The following CDH11 variants were observed in gnomAD, a reference collection of about 807,000 sequenced individuals.
CDH11 encodes cadherin-11.
CDH11 carries 11 observed loss-of-function variants against 67.8 expected under a neutral mutation model. The observed-to-expected ratio is 0.16, with a 90% CI of 0.10 to 0.27. The LOEUF (loss-of-function observed/expected upper bound fraction) is 0.27. Ranked by LOEUF, CDH11 falls within the 10% of genes least tolerant of loss-of-function variation. The probability of loss-of-function intolerance (pLI) is 1.00; values close to 1 mark genes in which losing one functional copy is unlikely to be tolerated. For synonymous variants in CDH11, 419 were observed against 400.0 expected (o/e 1.05, Z -0.57); for missense variants, 847 against 1,031.2 (o/e 0.82, Z 2.45).
chr16:65,074,954 C>T (rs1220078187), intron 1 of CDH11, among the ~76,000 whole-genome samples: 3 of 152,166 alleles, frequency 2.0e-5, no homozygotes, highest in Non-Finnish European at 2.9e-5. Flanking sequence ...CACACAGGCA[C>T]ACACATGCGC....
At chr16:65,038,567 A>G (rs1356809320) in intron 2 of CDH11, among the ~76,000 whole-genome samples, 6 of 152,230 alleles carry the variant, frequency 3.9e-5, no homozygotes, top group Admixed American at 2.6e-4. Flanking sequence ...ACTTACTTCT[A>G]TATTTAACAG....
At chr16:64,949,157 A>T (rs1336640982) in intron 12 of CDH11, among the ~76,000 whole-genome samples, 2 of 152,048 alleles carry the variant, frequency 1.3e-5, no homozygotes, top group African/African-American at 4.8e-5. Flanking sequence ...TGCCATCCTG[A>T]CACCAGACAG....
chr16:65,103,194 T>C (rs1210627479), intron 1 of CDH11, among the ~76,000 whole-genome samples: 2 of 152,194 alleles, frequency 1.3e-5, no homozygotes, highest in African/African-American at 2.4e-5. Flanking sequence ...CAGCTTGGTT[T>C]GTTGAGTTAT....
chr16:65,002,934 T>A (rs544496772), intron 3 of CDH11, among the ~76,000 whole-genome samples: 1 of 151,450 alleles, frequency 6.6e-6, no homozygotes, highest in East Asian at 1.9e-4. Context: ...TTTTTTCTTT[T>A]TTTTTTTTTA....
At chr16:65,098,399 G>A (rs1733850780) in intron 1 of CDH11, among the ~76,000 whole-genome samples, 1 of 152,098 alleles carries the variant, frequency 6.6e-6, no homozygotes, top group Non-Finnish European at 1.5e-5. Flanking sequence ...GGGAGCAGCT[G>A]GCCAGACTGA....
rs181056156 is a variant in CDH11, at chr16:65,032,223, A to G, written c.-173+21581T>C. On this transcript the variant is annotated intron_variant, in intron 2 of 12. Coordinates refer to ENST00000268603, the MANE Select transcript of CDH11 (RefSeq NM_001797.4). Reference sequence around the variant, plus strand: ...AAGAATCAGAGTGGCACCGTGGTTCATGCCTGTAATCTCAGCACTTTGGGA... The same window carrying G: ...AAGAATCAGAGTGGCACCGTGGTTCGTGCCTGTAATCTCAGCACTTTGGGA... Among the ~76,000 whole-genome samples, 287 of 151,836 alleles carry G rather than the reference A, an allele frequency of 1.9e-3. 2 individuals carry two copies. Among genetic ancestry groups the G allele is most frequent in the Non-Finnish European group, 3.3e-3 (222 of 67,992 alleles).
rs575589233 is a variant in CDH11, at chr16:64,949,260, T to G, written c.1895-1161A>C. On this transcript the variant is annotated intron_variant, in intron 12 of 12. Coordinates refer to ENST00000268603, the MANE Select transcript of CDH11 (RefSeq NM_001797.4). ...TGGTTTACACATCTGTTTCCACTTCTATTAACTTTTTAGGGCTTTTGTATT... is the reference window on the plus strand; with the variant it reads ...TGGTTTACACATCTGTTTCCACTTCGATTAACTTTTTAGGGCTTTTGTATT... Among the ~76,000 whole-genome samples the G allele has an allele frequency of 6.6e-5, 10 of 152,248 alleles. No individual in the cohort carries two copies. In the South Asian group the frequency reaches 2.1e-3, roughly 32 times the overall value.
At chr16:65,013,572 TCCAGCA>T (rs1422052730) in intron 2 of CDH11, among the ~76,000 whole-genome samples, 1 of 152,070 alleles carries the variant, frequency 6.6e-6, no homozygotes, top group African/African-American at 2.4e-5. Context: ...ACACCTGTAA[TCCAGCA>T]CTTTGGAAGG....
At chr16:65,115,363 G>A (rs868662775) in intron 1 of CDH11, among the ~76,000 whole-genome samples, 27 of 152,054 alleles carry the variant, frequency 1.8e-4, no homozygotes, top group African/African-American at 5.6e-4. Context: ...TTGCTAATTG[G>A]GAGAGGCCTC....
chr16:65,003,010 T>A (rs954781314), intron 3 of CDH11, among the ~76,000 whole-genome samples: 1 of 150,798 alleles, frequency 6.6e-6, no homozygotes, highest in East Asian at 1.9e-4. Context: ...TTAATCTAGT[T>A]TACATTTTGC....
intron 6 of CDH11, among the ~76,000 whole-genome samples, chr16:64,989,739 T>C (rs2072584094): frequency 6.6e-6 from 1 of 152,190 alleles, no homozygotes; most frequent in South Asian, 2.1e-4. Context: ...GTAGCTAAGA[T>C]TCAACATTAT....
chr16:64,950,703 G>A, intron 12 of CDH11, 64 bp downstream of exon 12: 1 of 1,562,650 alleles, frequency 6.4e-7, no homozygotes, highest in Non-Finnish European at 8.7e-7. Context: ...TGAGAAGCAT[G>A]TGTTTCAAGG....
chr16:65,054,283 T>G (rs1208648395), intron 1 of CDH11, among the ~76,000 whole-genome samples: 2 of 152,206 alleles, frequency 1.3e-5, no homozygotes, highest in Non-Finnish European at 2.9e-5. Flanking sequence ...TAGAGCCCAT[T>G]TCTGATAGAA....
intron 1 of CDH11, among the ~76,000 whole-genome samples, chr16:65,072,515 T>G (rs1286111110): frequency 6.6e-6 from 1 of 152,220 alleles, no homozygotes; most frequent in Non-Finnish European, 1.5e-5. Context: ...GTCCAATTTT[T>G]TTTTTAAATT....
chr16:65,076,377 C>A (rs920608441), intron 1 of CDH11, among the ~76,000 whole-genome samples: 3 of 152,048 alleles, frequency 2.0e-5, no homozygotes, highest in African/African-American at 7.3e-5. Flanking sequence ...AACAAAAAAC[C>A]TCCCTCCCTC....
chr16:64,956,488 A>T (rs1470430150), intron 11 of CDH11, among the ~76,000 whole-genome samples: 1 of 152,234 alleles, frequency 6.6e-6, no homozygotes, highest in African/African-American at 2.4e-5. Context: ...AATATTTCAT[A>T]TTCTTCAGTC....
rs150393370 is a variant in CDH11 at position 65,101,556 on chromosome 16, T to G, written c.-298+20324A>C. On this transcript the variant is annotated intron_variant, in intron 1 of 12. Coordinates refer to ENST00000268603, the MANE Select transcript of CDH11 (RefSeq NM_001797.4). ...TTTTTCTATTTTCCTTCTTCCTCCC[T>G]TCTTCTCTTCCCTCCCTACTCACCA... is the stretch of plus-strand genomic sequence containing the variant. Among the ~76,000 whole-genome samples the G allele has an allele frequency of 3.4e-4, 52 of 152,244 alleles. 1 individual carries two copies. The East Asian group carries it at 9.3e-3, about 27-fold the overall frequency.
At position 65,005,026 on chromosome 16, in the gene CDH11, C is replaced by G. The variant is rs575603172; in HGVS notation, c.-157G>C. The G allele has an allele frequency of 7.4e-7, 1 of 1,352,472 alleles. No homozygotes were observed. The allele number at this position is 1,352,472 out of a possible 1,614,324, so 83.8% of individuals were successfully genotyped here. A position where few individuals can be genotyped will look rare whatever the true frequency, so the allele number is the denominator to read the frequency against. On this transcript the variant is annotated 5_prime_UTR_variant, in exon 3 of 13. Coordinates refer to ENST00000268603, the MANE Select transcript of CDH11 (RefSeq NM_001797.4). ...GAGCTCATCACGTCAGGGCTGCCCA[C>G]GTCCCCAGTTAGCTTCTGCAAGCAG... is the stretch of plus-strand genomic sequence containing the variant.
At chr16:65,040,859 T>C (rs2142664265) in intron 2 of CDH11, among the ~76,000 whole-genome samples, 1 of 152,346 alleles carries the variant, frequency 6.6e-6, no homozygotes, top group East Asian at 1.9e-4. Flanking sequence ...TTTTGTTGCA[T>C]GCATAGAAAA....
Sources: gnomAD v4.1 joint callset for allele counts (sites outside exome capture counted in the v4.1 genomes callset) on GRCh38, gnomAD v4.1.1 for gene constraint, MANE v1.5 for transcripts, NCBI Gene and HGNC (gene_info 2026-07-23, HGNC 2026-07-21) for gene names.